RALB: variants seen among roughly 807,000 people sequenced by gnomAD.
RALB encodes the protein RAS like proto-oncogene B.
RALB carries 16 observed loss-of-function variants against 21.3 expected under a neutral mutation model. The ratio of observed to expected loss-of-function variants is 0.75; its 90% confidence interval spans 0.51 to 1.14. The LOEUF is 1.14. RALB is among the 50% of genes most tolerant of loss of function. The pLI is 0.00. For synonymous variants in RALB, 93 were observed against 96.1 expected (o/e 0.97, Z 0.19); for missense variants, 161 against 256.2 (o/e 0.63, Z 2.54).
chr2:120,249,332 C>A (rs750676849), upstream of RALB, among the ~76,000 whole-genome samples: 2 of 152,178 alleles, frequency 1.3e-5, no homozygotes, highest in Non-Finnish European at 2.9e-5. Context: ...CGCGCCCGTC[C>A]GTGTTAGTCC....
At chr2:120,254,817 A>G (rs762103397) in intron 1 of RALB, among the ~76,000 whole-genome samples, 11 of 152,228 alleles carry the variant, frequency 7.2e-5, no homozygotes, top group Non-Finnish European at 5.9e-5. Flanking sequence ...AGCTTGGTAC[A>G]GTCTTGCACC....
upstream of RALB, among the ~76,000 whole-genome samples, chr2:120,251,826 A>C (rs943482417): frequency 1.3e-5 from 2 of 152,242 alleles, no homozygotes; most frequent in African/African-American, 4.8e-5. Context: ...TAAGTTGGTC[A>C]CTTAAGACTA....
chr2:120,252,298 G>T (rs1689071393), upstream of RALB, among the ~76,000 whole-genome samples: 1 of 152,158 alleles, frequency 6.6e-6, no homozygotes, highest in South Asian at 2.1e-4. Context: ...TCCAGTCTCC[G>T]CCATGCACTC....
chr2:120,258,396 G>C (rs1448873806), intron 1 of RALB, among the ~76,000 whole-genome samples: 2 of 152,192 alleles, frequency 1.3e-5, no homozygotes, highest in African/African-American at 4.8e-5. Flanking sequence ...CGCGTGATTG[G>C]GGGTGGGGGA....
At chr2:120,272,736 C>T (rs907425990) in intron 1 of RALB, among the ~76,000 whole-genome samples, 2 of 151,950 alleles carry the variant, frequency 1.3e-5, no homozygotes, top group Admixed American at 1.3e-4. Flanking sequence ...TTTATCTAGT[C>T]AGTTCCTTCA....
chr2:120,248,036 AAC>A (rs1297796322), upstream of RALB, among the ~76,000 whole-genome samples: 36 of 152,288 alleles, frequency 2.4e-4, no homozygotes, highest in East Asian at 6.2e-3. Flanking sequence ...GTGAGGCGAG[AAC>A]CTCTGGGCAG....
chr2:120,256,572 A>G (rs1417537880), intron 1 of RALB, among the ~76,000 whole-genome samples: 3 of 152,086 alleles, frequency 2.0e-5, no homozygotes, highest in African/African-American at 4.8e-5. Flanking sequence ...GCTGGCACTC[A>G]TTCTCTCTCC....
At chr2:120,275,851 A>C (rs1275491539) in intron 1 of RALB, among the ~76,000 whole-genome samples, 1 of 152,198 alleles carries the variant, frequency 6.6e-6, no homozygotes, top group East Asian at 1.9e-4. Context: ...GCAGAAATTG[A>C]ATAGGAGAAA....
intron 3 of RALB, among the ~76,000 whole-genome samples, chr2:120,287,464 T>C (rs1480187509): frequency 2.6e-5 from 4 of 152,260 alleles, no homozygotes; most frequent in African/African-American, 9.6e-5. Flanking sequence ...GTATTTATAA[T>C]TGTTTGCATC....
chr2:120,294,230 A>C lies in RALB; in HGVS notation c.*970A>C, dbSNP rs1487895345. 7.5e-6 allele frequency: 3 copies of C among 398,502 alleles called. No homozygotes were observed. The highest frequency in any genetic ancestry group is 1.3e-5 in the Non-Finnish European group (3 of 226,072). The allele number at this position is 398,502 out of a possible 1,614,324, so 24.7% of individuals were successfully genotyped here. ...GTGATGAGTTAAAGTTGTATTCTGA[A>C]ATCATGAAGCCAGAGCCTGTGCCAG... is the stretch of plus-strand genomic sequence containing the variant. On this transcript the variant is annotated 3_prime_UTR_variant, in exon 5 of 5. Transcript: ENST00000272519.
At chr2:120,290,604 G>C (rs765270824) in intron 4 of RALB, among the ~76,000 whole-genome samples, 6 of 149,178 alleles carry the variant, frequency 4.0e-5, no homozygotes, top group Non-Finnish European at 8.9e-5. Flanking sequence ...AATAGTATTT[G>C]CTCTCAGAAC....
chr2:120,252,534 T>G (rs1368781211), upstream of RALB, among the ~76,000 whole-genome samples: 9 of 152,340 alleles, frequency 5.9e-5, no homozygotes, highest in Non-Finnish European at 1.3e-4. Flanking sequence ...CGCCCCACCT[T>G]GTGCACCCGC....
At chr2:120,240,722 G>T (rs1036331112) in intron 1 of RALB, among the ~76,000 whole-genome samples, 2 of 152,166 alleles carry the variant, frequency 1.3e-5, no homozygotes, top group African/African-American at 2.4e-5. Context: ...ATCATGCCAG[G>T]CCTTCCCTCC....
chr2:120,248,109 G>T (rs1159663879), upstream of RALB, among the ~76,000 whole-genome samples: 1 of 152,222 alleles, frequency 6.6e-6, no homozygotes, highest in Non-Finnish European at 1.5e-5. Context: ...AGCTCCTCTT[G>T]CTGTGGCTGC....
intron 2 of RALB, chr2:120,281,003 T>C (rs1444882900): frequency 6.2e-6 from 2 of 321,466 alleles, no homozygotes; most frequent in East Asian, 9.9e-5. Flanking sequence ...TACTGTATAA[T>C]AATCACAAAG....
chr2:120,241,300 G>A (rs1688890556), intron 1 of RALB, among the ~76,000 whole-genome samples: 1 of 152,254 alleles, frequency 6.6e-6, no homozygotes, highest in African/African-American at 2.4e-5. Flanking sequence ...CTAGGAGCCA[G>A]AAAGCTCAGG....
chr2:120,275,827 G>C (rs1689779105), intron 1 of RALB, among the ~76,000 whole-genome samples: 1 of 152,184 alleles, frequency 6.6e-6, no homozygotes, highest in Non-Finnish European at 1.5e-5. Context: ...GACACACCAA[G>C]GGTGAGGTTT....
chr2:120,266,987 C>G (rs1039740238), intron 1 of RALB, among the ~76,000 whole-genome samples: 1 of 151,866 alleles, frequency 6.6e-6, no homozygotes, highest in African/African-American at 2.4e-5. Flanking sequence ...ATGGGCTGGC[C>G]GGGGGATATC....
At chr2:120,256,338 GATA>G (rs150767197) in intron 1 of RALB, among the ~76,000 whole-genome samples, 12,095 of 152,186 alleles carry the variant, frequency 0.079, 639 homozygotes, top group Non-Finnish European at 0.12. Context: ...GAATGAATAT[GATA>G]ATGATCAAGA....
Sources: gnomAD v4.1 joint callset for allele counts (sites outside exome capture counted in the v4.1 genomes callset) on GRCh38, gnomAD v4.1.1 for gene constraint, MANE v1.5 for transcripts, NCBI Gene and HGNC (gene_info 2026-07-23, HGNC 2026-07-21) for gene names.